The following RPS6KA2 variants were observed in gnomAD, a reference collection of about 807,000 sequenced individuals.
RPS6KA2 encodes the protein ribosomal protein S6 kinase alpha-2.
RPS6KA2 carries 42 observed loss-of-function variants against 91.8 expected under a neutral mutation model. The observed-to-expected ratio is 0.46, with a 90% CI of 0.36 to 0.59. The LOEUF is 0.59. Ranked by LOEUF, RPS6KA2 falls within the 20% of genes least tolerant of loss-of-function variation. RPS6KA2 has a pLI of 0.00. For missense variants in RPS6KA2, 798 were observed against 978.5 expected, an observed-to-expected ratio of 0.82 and a Z score of 2.46; for synonymous variants, 414 against 393.6, an observed-to-expected ratio of 1.05 and a Z score of -0.61.
At chr6:166,624,339 C>T (rs1786752213) in intron 1 of RPS6KA2, among the ~76,000 whole-genome samples, 1 of 152,238 alleles carries the variant, frequency 6.6e-6, no homozygotes, top group African/African-American at 2.4e-5. Flanking sequence ...CATTCATCCA[C>T]ACAGAGGAAA....
chr6:166,428,863 T>C (rs1393978900), intron 16 of RPS6KA2, among the ~76,000 whole-genome samples: 7 of 150,860 alleles, frequency 4.6e-5, no homozygotes, highest in Non-Finnish European at 8.9e-5. Flanking sequence ...TCAACCATTG[T>C]GGAAGTCAGT....
chr6:166,724,467 A>T (rs745865275), intron 2 of RPS6KA2, among the ~76,000 whole-genome samples: 4 of 151,850 alleles, frequency 2.6e-5, no homozygotes, highest in African/African-American at 7.3e-5. Context: ...AAATCCTTTT[A>T]TACCAGACTT....
chr6:166,538,912 T>C lies in RPS6KA2; in HGVS notation c.100-128A>G, dbSNP rs78162931. ...AGATTTTAGCGCTGGAGTTTGAAAGTGGAGACACCATTTAGTTGTGTTTTT... is the reference window on the plus strand; with the variant it reads ...AGATTTTAGCGCTGGAGTTTGAAAGCGGAGACACCATTTAGTTGTGTTTTT... On this transcript the variant is annotated intron_variant, in intron 1 of 20. Coordinates refer to ENST00000265678, the MANE Select transcript of RPS6KA2 (RefSeq NM_021135.6). The C allele has an allele frequency of 6.8e-5, 39 of 572,102 alleles. No homozygotes were observed. In the East Asian group the frequency reaches 8.4e-4, roughly 12 times the overall value. The allele number at this position is 572,102 out of a possible 1,614,324, so 35.4% of individuals were successfully genotyped here.
rs1366355014 is a variant in RPS6KA2, at chr6:166,563,406, G to A, written c.100-24622C>T. On this transcript the variant is annotated intron_variant, in intron 1 of 20. Coordinates refer to ENST00000265678, the MANE Select transcript of RPS6KA2 (RefSeq NM_021135.6). The surrounding 1 kb of genome is among the most constrained non-coding windows in gnomAD (Gnocchi z 4.1). ...CTCCTGGGCTCGCCGCCAGCGGTGG[G>A]ATCCCTCTTCCTGCACAGAACCGCC... Among the ~76,000 whole-genome samples the A allele has an allele frequency of 6.6e-6, 1 of 152,180 alleles. No individual in the cohort carries two copies. Among genetic ancestry groups the A allele is most frequent in the Non-Finnish European group, 1.5e-5 (1 of 68,026 alleles).
At chr6:166,681,702 GCCC>G (rs1453376878) in intron 2 of RPS6KA2, among the ~76,000 whole-genome samples, 4 of 14,454 alleles carry the variant, frequency 2.8e-4, no homozygotes, top group Admixed American at 1.5e-3. Context: ...CCCCCCCCCC[GCCC>G]CCGCCCAAGA....
intron 13 of RPS6KA2, among the ~76,000 whole-genome samples, chr6:166,450,273 C>T (rs553183356): frequency 9.9e-5 from 14 of 141,898 alleles, no homozygotes; most frequent in East Asian, 2.2e-4. Context: ...GAGACCATCA[C>T]GGGTACCACC....
At chr6:166,823,562 G>A (rs1022675611) in intron 2 of RPS6KA2, among the ~76,000 whole-genome samples, 1 of 152,024 alleles carries the variant, frequency 6.6e-6, no homozygotes, top group East Asian at 1.9e-4. Context: ...ATAGTCTGGT[G>A]GATGTGGGCT....
At position 166,665,070 on chromosome 6, in the gene RPS6KA2, C is replaced by T. The variant is rs983393969; in HGVS notation, c.124-126286G>A. Among the ~76,000 whole-genome samples the T allele has an allele frequency of 3.9e-5, 6 of 152,132 alleles. No homozygotes were observed. The highest frequency in any genetic ancestry group is 1.4e-4 in the African/African-American group (6 of 41,412). On this transcript the variant is annotated intron_variant, in intron 2 of 21. Coordinates refer to the RPS6KA2 transcript ENST00000503859. The surrounding 1 kb of genome is among the most constrained non-coding windows in gnomAD (Gnocchi z 4.5). Reference sequence around the variant, plus strand: ...GACCAACCTGGGCAAAATAGTGAGACCCCATCTCTACAAAAAATAAAATTA... The same window carrying T: ...GACCAACCTGGGCAAAATAGTGAGATCCCATCTCTACAAAAAATAAAATTA...
chr6:166,416,889 CA>C (rs2128438271), intron 19 of RPS6KA2, among the ~76,000 whole-genome samples: 1 of 152,320 alleles, frequency 6.6e-6, no homozygotes, highest in East Asian at 1.9e-4. Flanking sequence ...TCATTCCCGC[CA>C]TTACCTCCAC....
intron 9 of RPS6KA2, among the ~76,000 whole-genome samples, chr6:166,489,960 G>A (rs1183430541): frequency 6.6e-6 from 1 of 152,058 alleles, no homozygotes; most frequent in African/African-American, 2.4e-5. Flanking sequence ...ACTGATTAGG[G>A]GCTCCCAGCC....
At chr6:166,703,011 T>C (rs1243277684) in intron 2 of RPS6KA2, among the ~76,000 whole-genome samples, 1 of 152,184 alleles carries the variant, frequency 6.6e-6, no homozygotes, top group Non-Finnish European at 1.5e-5. Flanking sequence ...GATCCGAGGC[T>C]TGTTTTTCCT....
rs1280291033 is a variant in RPS6KA2 at position 166,411,085 on chromosome 6, T to C, written c.*1677A>G. ...TATTCAGTCCGACTTGCTCCTTTTA[T>C]GTTTTGTGGTTCTCTAAGAAAAAAA... On this transcript the variant is annotated 3_prime_UTR_variant, in exon 21 of 21. Coordinates refer to ENST00000265678, the MANE Select transcript of RPS6KA2 (RefSeq NM_021135.6). The surrounding 1 kb of genome is among the most constrained non-coding windows in gnomAD (Gnocchi z 4.5). The C allele has an allele frequency of 1.7e-5, 2 of 116,174 alleles. No individual in the cohort carries two copies. Among genetic ancestry groups the C allele is most frequent in the African/African-American group, 6.9e-5 (2 of 29,196 alleles). 7.2% of individuals were successfully genotyped at this position (116,174 alleles called of 1,614,324 possible). A position where few individuals can be genotyped will look rare whatever the true frequency, so the allele number is the denominator to read the frequency against.
At position 166,767,363 on chromosome 6, in the gene RPS6KA2, C is replaced by T. The variant is rs1170753112; in HGVS notation, c.123+90837G>A. ...AGAAAAATCACTCCTCTAACCAAGA[C>T]CACAAAGGCCGCGCGGATCAATGTG... On this transcript the variant is annotated intron_variant, in intron 2 of 21. Transcript: ENST00000503859. This position sits in a 1 kb window ranked among gnomAD's most constrained non-coding sequence, Gnocchi z 4.6. 6.6e-6 allele frequency among the ~76,000 whole-genome samples: 1 copy of T among 151,534 alleles called. No homozygotes were observed.
intron 2 of RPS6KA2, among the ~76,000 whole-genome samples, chr6:166,828,014 T>G (rs925643788): frequency 2.0e-5 from 3 of 152,226 alleles, no homozygotes; most frequent in African/African-American, 7.2e-5. Context: ...TTAGAAGAGA[T>G]GGCAATCAGC....
At chr6:166,586,430 A>G in intron 1 of RPS6KA2, 1 of 1,599,976 alleles carries the variant, frequency 6.3e-7, no homozygotes, top group South Asian at 1.1e-5. Context: ...TGAATCTACT[A>G]GCAAACATCT....
At chr6:166,832,020 A>T (rs1256347315) in intron 2 of RPS6KA2, among the ~76,000 whole-genome samples, 1 of 150,384 alleles carries the variant, frequency 6.6e-6, no homozygotes, top group East Asian at 2.0e-4. Context: ...ATATACATAC[A>T]TGTATAGATG....
chr6:166,698,970 G>A (rs914292962), intron 2 of RPS6KA2, among the ~76,000 whole-genome samples: 2 of 152,178 alleles, frequency 1.3e-5, no homozygotes, highest in Non-Finnish European at 2.9e-5. Flanking sequence ...GAACGAAGAG[G>A]TCAGGTGGTC....
At chr6:166,715,415 C>A (rs377396995) in intron 2 of RPS6KA2, among the ~76,000 whole-genome samples, 1 of 152,094 alleles carries the variant, frequency 6.6e-6, no homozygotes, top group African/African-American at 2.4e-5. Context: ...GTGGGGATAG[C>A]CAAAAAATGC....
chr6:166,710,900 C>G (rs1789826586), intron 2 of RPS6KA2, among the ~76,000 whole-genome samples: 1 of 152,192 alleles, frequency 6.6e-6, no homozygotes, highest in African/African-American at 2.4e-5. Flanking sequence ...ACAAAAGCCT[C>G]TAGCCACAGG....
Sources: gnomAD v4.1 joint callset for allele counts (sites outside exome capture counted in the v4.1 genomes callset) on GRCh38, gnomAD v4.1.1 for gene constraint, Gnocchi (gnomAD v3.1) non-coding constraint, MANE v1.5 for transcripts, NCBI Gene and HGNC (gene_info 2026-07-23, HGNC 2026-07-21) for gene names.